LAMA3: variants seen among roughly 807,000 people sequenced by gnomAD.
LAMA3 encodes the protein laminin subunit alpha-3.
Under a neutral mutation model 402.0 loss-of-function variants are expected in LAMA3, and 281 were observed. The ratio of observed to expected loss-of-function variants is 0.70; its 90% confidence interval spans 0.63 to 0.77. LAMA3 has a LOEUF of 0.77. LAMA3 is among the 30% of genes least tolerant of loss of function. The pLI is 0.00. For synonymous variants in LAMA3, 1,431 were observed against 1,558.4 expected, an observed-to-expected ratio of 0.92 and a Z score of 1.93; for missense variants, 3,840 against 4,215.5, an observed-to-expected ratio of 0.91 and a Z score of 2.47.
At chr18:23,893,927 G>A (rs1210716860) in intron 42 of LAMA3, among the ~76,000 whole-genome samples, 4 of 152,200 alleles carry the variant, frequency 2.6e-5, no homozygotes, top group African/African-American at 7.2e-5. Context: ...TGATCGAGAC[G>A]TTTGATTTGA....
chr18:23,743,162 T>C (rs1174551762), intron 2 of LAMA3, among the ~76,000 whole-genome samples: 2 of 152,242 alleles, frequency 1.3e-5, no homozygotes, highest in African/African-American at 4.8e-5. Flanking sequence ...ATCAAATTTG[T>C]ATGAAGTAGA....
At position 23,904,622 on chromosome 18, in the gene LAMA3, C is replaced by A. The variant is rs759063496; in HGVS notation, c.6543C>A (p.Asn2181Lys). The change falls in exon 51 of 75, where the codon AAC becomes AAA. Residue 2181 changes from asparagine to lysine, a missense_variant. By Grantham distance (94) the Asn-to-Lys change is moderately conservative (BLOSUM62 0). Around this residue, in one of 3 missense-constraint regions of LAMA3, gnomAD observed 891 missense variants for 857.5 expected, o/e 1.04. Transcript: ENST00000313654. ...TGGATGCCGCCACCGCCTACGAGAA[C>A]ATCCTCAATGCCATCAAAGCGGCCG... ...CAVDAATAYE[N>K]ILNAIKAAED... The A allele has an allele frequency of 5.0e-6, 8 of 1,613,764 alleles. No homozygotes were observed. The Admixed American group carries it at 1.3e-4, about 27-fold the overall frequency.
chr18:23,952,337 T>TC (rs1437648569), intron 73 of LAMA3, among the ~76,000 whole-genome samples: 1 of 152,242 alleles, frequency 6.6e-6, no homozygotes, highest in East Asian at 1.9e-4. Context: ...GTTATTTTTT[T>TC]CAACAACCAT....
chr18:23,864,639 A>G, intron 35 of LAMA3, 146 bp from the exon 36 acceptor site: 1 of 682,278 alleles, frequency 1.5e-6, no homozygotes, highest in Non-Finnish European at 2.7e-6. Context: ...TACCATCCTC[A>G]ACCCCACCTC....
At chr18:23,790,536 T>C (rs1024449981) in intron 12 of LAMA3, among the ~76,000 whole-genome samples, 1 of 152,242 alleles carries the variant, frequency 6.6e-6, no homozygotes, top group African/African-American at 2.4e-5. Flanking sequence ...CTTCTGAGTA[T>C]GGGAAGTAGT....
At chr18:23,819,225 T>C (rs564269013) in intron 18 of LAMA3, among the ~76,000 whole-genome samples, 1 of 150,866 alleles carries the variant, frequency 6.6e-6, no homozygotes, top group Admixed American at 6.6e-5. Flanking sequence ...TGCCACACAA[T>C]GTTGGAATAT....
intron 21 of LAMA3, among the ~76,000 whole-genome samples, chr18:23,826,455 T>C (rs2063383569): frequency 6.6e-6 from 1 of 152,216 alleles, no homozygotes; most frequent in Non-Finnish European, 1.5e-5. Context: ...CAGTAAAATC[T>C]CTCTTGAAAC....
At chr18:23,938,994 T>A (rs2082399884) in intron 67 of LAMA3, among the ~76,000 whole-genome samples, 1 of 152,046 alleles carries the variant, frequency 6.6e-6, no homozygotes, top group Non-Finnish European at 1.5e-5. Context: ...TCGGGAAAGG[T>A]TAAAGAGCTA....
intron 38 of LAMA3, chr18:23,872,905 G>A (rs772277721): frequency 9.3e-5 from 84 of 901,920 alleles, no homozygotes; most frequent in Non-Finnish European, 1.4e-4. Flanking sequence ...TGACTCATGT[G>A]TGAAGTTTAA....
At chr18:23,931,877 A>T (rs1165912208) in intron 65 of LAMA3, among the ~76,000 whole-genome samples, 3 of 152,210 alleles carry the variant, frequency 2.0e-5, no homozygotes, top group Non-Finnish European at 4.4e-5. Context: ...AAATTCGTTG[A>T]GCTGAACACT....
chr18:23,786,553 C>G (rs183680284), intron 12 of LAMA3, among the ~76,000 whole-genome samples: 6 of 152,182 alleles, frequency 3.9e-5, no homozygotes, highest in African/African-American at 1.4e-4. Context: ...ACTGAGAAGA[C>G]CATGGCGCCA....
chr18:23,885,827 C>T (rs1347830323), intron 41 of LAMA3, among the ~76,000 whole-genome samples: 3 of 152,170 alleles, frequency 2.0e-5, no homozygotes, highest in Non-Finnish European at 4.4e-5. Context: ...TGCACTCAAA[C>T]GCTTTCACAT....
intron 15 of LAMA3, among the ~76,000 whole-genome samples, 174 bp from the exon 16 acceptor site, chr18:23,815,014 G>A (rs986095031): frequency 6.6e-6 from 1 of 152,222 alleles, no homozygotes; most frequent in African/African-American, 2.4e-5. Context: ...GGTCTGTTCT[G>A]CCAACTTCAG....
Position 23,784,867 on chromosome 18 carries a change from AGAG to A in LAMA3, c.1603+714_1603+716del, listed in dbSNP as rs1423442555. Among the ~76,000 whole-genome samples the A allele has an allele frequency of 7.2e-5, 11 of 152,030 alleles. No homozygotes were observed. In the East Asian group the frequency reaches 9.6e-4, roughly 13 times the overall value. On this transcript the variant is annotated intron_variant, in intron 12 of 74. Transcript: ENST00000313654. The stretch of plus-strand genomic sequence containing the variant: ...AATGGTGTAGGGGAAGGGAGGAGAA[AGAG>A]GAGAAGATTATCAGTCCAGGATCAA...
At chr18:23,846,268 A>G (rs1047891545) in intron 30 of LAMA3, 29 bp from the exon 31 acceptor site, 3 of 1,611,142 alleles carry the variant, frequency 1.9e-6, no homozygotes, top group African/African-American at 2.7e-5. Context: ...CTCCCCAGGC[A>G]TCACCATGAG....
rs962502452 is a variant in LAMA3 at position 23,879,199 on chromosome 18, C to T, written c.5113-2737C>T. ...ATGGTGCTCCTCTGAGGCTCACAGACGGAAGGAAGCCCACGACCCTTAGCA... is the reference window on the plus strand; with the variant it reads ...ATGGTGCTCCTCTGAGGCTCACAGATGGAAGGAAGCCCACGACCCTTAGCA... On this transcript the variant is annotated intron_variant, in intron 39 of 74. Transcript: ENST00000313654. The surrounding 1 kb of genome is among the most constrained non-coding windows in gnomAD (Gnocchi z 4.2). Among the ~76,000 whole-genome samples, 2 of 152,210 alleles carry T rather than the reference C, an allele frequency of 1.3e-5. No homozygotes were observed. The highest frequency in any genetic ancestry group is 4.8e-5 in the African/African-American group (2 of 41,448).
At position 23,845,133 on chromosome 18, in the gene LAMA3, C is replaced by T. The variant is rs1382114342; in HGVS notation, c.3719+9C>T. 8.7e-6 allele frequency: 13 copies of T among 1,486,574 alleles called. No homozygotes were observed. Among genetic ancestry groups the T allele is most frequent in the Non-Finnish European group, 1.1e-5 (12 of 1,063,972 alleles). The allele number at this position is 1,486,574 out of a possible 1,614,324, so 92.1% of individuals were successfully genotyped here. A position where few individuals can be genotyped will look rare whatever the true frequency, so the allele number is the denominator to read the frequency against. On this transcript the variant is annotated intron_variant, in intron 30 of 74. Coordinates refer to ENST00000313654, the MANE Select transcript of LAMA3 (RefSeq NM_198129.4). ...AACAGCTTTTACCTTGAGTGAGTATCACTTTGTGGGAAGGCTCTGGAATGC... is the reference window on the plus strand; with the variant it reads ...AACAGCTTTTACCTTGAGTGAGTATTACTTTGTGGGAAGGCTCTGGAATGC...
chr18:23,908,516 C>T (rs1168835658), intron 54 of LAMA3, among the ~76,000 whole-genome samples: 11 of 124,406 alleles, frequency 8.8e-5, no homozygotes, highest in South Asian at 7.4e-4. Flanking sequence ...GACGACAGAG[C>T]GAGACTCCAT....
chr18:23,824,540 G>T lies in LAMA3; in HGVS notation c.2546G>T (p.Cys849Phe). 1.9e-6 allele frequency: 3 copies of T among 1,614,090 alleles called. No homozygotes were observed. The highest frequency in any genetic ancestry group is 1.7e-6 in the Non-Finnish European group (2 of 1,179,966). ...FSITPGIWVA[C>F]IKAEGVLLDY... Reference sequence around the variant, plus strand: ...ATCACACCAGGAATATGGGTTGCTTGTATTAAGGCAGAAGGAGTCCTTCTG... The same window carrying T: ...ATCACACCAGGAATATGGGTTGCTTTTATTAAGGCAGAAGGAGTCCTTCTG... The change falls in exon 21 of 75, where the codon TGT becomes TTT. Residue 849 changes from cysteine (C) to phenylalanine (F), a missense_variant. Coordinates refer to ENST00000313654, the MANE Select transcript of LAMA3 (RefSeq NM_198129.4).
Sources: allele counts gnomAD v4.1 joint callset (sites outside exome capture counted in the v4.1 genomes callset), GRCh38; gene constraint gnomAD v4.1.1; regional missense constraint gnomAD v4.1.1; non-coding constraint Gnocchi (gnomAD v3.1); transcripts MANE v1.5; gene names NCBI Gene and HGNC (gene_info 2026-07-23, HGNC 2026-07-21).